Variants in HECW1 observed in about 807,000 individuals in gnomAD.
The protein encoded by HECW1 is HECT, C2 and WW domain containing E3 ubiquitin protein ligase 1, also known as E3 ubiquitin-protein ligase HECW1.
A neutral mutation model predicts 182.3 loss-of-function variants in HECW1; 61 were observed. That is an observed-to-expected ratio of 0.33 (90% CI 0.27 to 0.41). The LOEUF is 0.41. HECW1 is among the 10% of genes least tolerant of loss of function. The pLI is 1.00. For missense variants in HECW1, 1,739 were observed against 2,108.9 expected (o/e 0.82, Z 3.44); for synonymous variants, 859 against 832.6 (o/e 1.03, Z -0.55).
At chr7:43,394,384 C>G (rs1477802298) in intron 6 of HECW1, among the ~76,000 whole-genome samples, 1 of 152,086 alleles carries the variant, frequency 6.6e-6, no homozygotes, top group Non-Finnish European at 1.5e-5. Context: ...GTCAAAATGC[C>G]AGGGATTTAT....
intron 6 of HECW1, among the ~76,000 whole-genome samples, chr7:43,386,287 G>A (rs2152831208): frequency 6.6e-6 from 1 of 152,328 alleles, no homozygotes; most frequent in Admixed American, 6.5e-5. Flanking sequence ...CACAGTCCCT[G>A]AGCACATACA....
At chr7:43,171,877 A>C (rs920450348) in intron 2 of HECW1, among the ~76,000 whole-genome samples, 1 of 152,144 alleles carries the variant, frequency 6.6e-6, no homozygotes, top group African/African-American at 2.4e-5. Context: ...GATTAGTTTA[A>C]TGTTACTTGT....
At chr7:43,497,453 G>GTT in intron 19 of HECW1, among the ~76,000 whole-genome samples, 1 of 152,230 alleles carries the variant, frequency 6.6e-6, no homozygotes, top group East Asian at 1.9e-4. Flanking sequence ...TTGCATCTGT[G>GTT]TTTTTAGTGA....
chr7:43,443,147 C>G (rs540898334), intron 10 of HECW1, among the ~76,000 whole-genome samples: 12 of 152,330 alleles, frequency 7.9e-5, no homozygotes, highest in African/African-American at 2.9e-4. Context: ...AATGCTAAAA[C>G]AGATTTCAAA....
intron 21 of HECW1, among the ~76,000 whole-genome samples, chr7:43,506,467 AAATG>A (rs1341048683): frequency 2.0e-5 from 3 of 152,326 alleles, no homozygotes; most frequent in Non-Finnish European, 4.4e-5. Context: ...TAGAACTCAT[AAATG>A]AATGTAGTAT....
intron 5 of HECW1, among the ~76,000 whole-genome samples, chr7:43,347,240 A>T (rs1275044319): frequency 1.4e-5 from 2 of 142,822 alleles, no homozygotes; most frequent in East Asian, 2.0e-4. Flanking sequence ...AAGGTTTTTT[A>T]AATTTTTTAA....
intron 2 of HECW1, among the ~76,000 whole-genome samples, chr7:43,166,999 C>G (rs1240542601): frequency 6.6e-6 from 1 of 152,214 alleles, no homozygotes; most frequent in Non-Finnish European, 1.5e-5. Flanking sequence ...AGGCAAGAGG[C>G]ATGACCAGAG....
chr7:43,500,693 A>T lies in HECW1; in HGVS notation c.3438-6A>T. On this transcript the variant is annotated splice_polypyrimidine_tract_variant and splice_region_variant and intron_variant, in intron 19 of 29. Coordinates refer to ENST00000395891, the MANE Select transcript of HECW1 (RefSeq NM_015052.5). ...TAATTTTCCTCTTCTTTCTCACATG[A>T]TTCAGGGAGAAAATCCATTACATTC... 1 of 1,610,798 alleles carries T rather than the reference A, an allele frequency of 6.2e-7. No homozygotes were observed. Among genetic ancestry groups the T allele is most frequent in the Non-Finnish European group, 8.5e-7 (1 of 1,177,034 alleles).
chr7:43,157,308 C>T (rs1562608677), intron 2 of HECW1, among the ~76,000 whole-genome samples: 2 of 151,922 alleles, frequency 1.3e-5, no homozygotes, highest in Non-Finnish European at 2.9e-5. Flanking sequence ...TATCAAACAT[C>T]CAAAAAAATG....
At chr7:43,319,775 A>ATTTTTTTTTTTTTTTTT (rs10604163) in intron 4 of HECW1, among the ~76,000 whole-genome samples, 1 of 105,496 alleles carries the variant, frequency 9.5e-6, no homozygotes. Context: ...AATTTTTGTA[A>ATTTTTTTTTTTTTTTTT]TTTTTTTTTT....
chr7:43,311,735 C>G, intron 3 of HECW1, 28 bp from the exon 4 acceptor site: 4 of 1,609,898 alleles, frequency 2.5e-6, no homozygotes, highest in Non-Finnish European at 3.4e-6. Flanking sequence ...GTGCCCTGAC[C>G]CTGCTCACTG....
chr7:43,375,334 A>G (rs1041046356), intron 6 of HECW1, among the ~76,000 whole-genome samples: 1 of 152,068 alleles, frequency 6.6e-6, no homozygotes, highest in African/African-American at 2.4e-5. Flanking sequence ...GTTGTCAGTG[A>G]TATGTGACTA....
chr7:43,331,087 T>C (rs1388814420), intron 5 of HECW1, among the ~76,000 whole-genome samples: 1 of 152,106 alleles, frequency 6.6e-6, no homozygotes, highest in African/African-American at 2.4e-5. Context: ...CTGCACCCAT[T>C]AACTCGTCGT....
At position 43,445,105 on chromosome 7, in the gene HECW1, G is replaced by A; in HGVS notation, c.1933G>A (p.Ala645Thr). ...GHFPSLANGA[A>T]QDGDTHPSTG... ...CTTCCCCAGCCTGGCCAATGGCGCG[G>A]CCCAGGATGGCGACACGCACCCCAG... The change falls in exon 11 of 30, where the codon GCC (alanine) becomes ACC (threonine). Residue 645 changes from alanine to threonine, a missense_variant. Coordinates refer to ENST00000395891, the MANE Select transcript of HECW1 (RefSeq NM_015052.5). The A allele has an allele frequency of 6.2e-7, 1 of 1,606,784 alleles. No homozygotes were observed. Among genetic ancestry groups the A allele is most frequent in the East Asian group, 2.2e-5 (1 of 44,818 alleles).
chr7:43,404,005 T>A (rs573999725), intron 7 of HECW1, among the ~76,000 whole-genome samples: 1 of 152,270 alleles, frequency 6.6e-6, no homozygotes, highest in African/African-American at 2.4e-5. Context: ...TTTGGAAAAT[T>A]CTAGAACTCT....
chr7:43,412,405 T>C (rs967764160), intron 8 of HECW1, among the ~76,000 whole-genome samples: 1 of 150,482 alleles, frequency 6.6e-6, no homozygotes, highest in African/African-American at 2.4e-5. Context: ...ACATTTCCTA[T>C]TTCTAATGCT....
chr7:43,312,995 A>T lies in HECW1; in HGVS notation c.352+908A>T, dbSNP rs541480604. 3.5e-4 allele frequency among the ~76,000 whole-genome samples: 53 copies of T among 152,332 alleles called. 1 individual carries two copies. The South Asian group carries it at 0.011, about 32-fold the overall frequency. On this transcript the variant is annotated intron_variant, in intron 4 of 29. Transcript: ENST00000395891. ...TGCACATTCAGACACACAACACCGG[A>T]TTTAACATCACAGAAAGTAATGGAT...
At chr7:43,159,642 T>C (rs73314711) in intron 2 of HECW1, among the ~76,000 whole-genome samples, 11,605 of 151,702 alleles carry the variant, frequency 0.076, 579 homozygotes, top group East Asian at 0.14. Flanking sequence ...CTTATATCTT[T>C]ACAAATATAT....
chr7:43,520,188 T>C (rs979204605), intron 24 of HECW1, among the ~76,000 whole-genome samples: 3 of 152,254 alleles, frequency 2.0e-5, no homozygotes, highest in African/African-American at 4.8e-5. Context: ...CATGAGCTCC[T>C]GGCATATTGT....
Sources: gnomAD v4.1 joint callset for allele counts (sites outside exome capture counted in the v4.1 genomes callset) on GRCh38, gnomAD v4.1.1 for gene constraint, MANE v1.5 for transcripts, NCBI Gene and HGNC (gene_info 2026-07-23, HGNC 2026-07-21) for gene names.